The following IRAG2 variants were observed in gnomAD, a reference collection of about 807,000 sequenced individuals.
IRAG2 encodes the protein inositol 1,4,5-triphosphate receptor associated 2.
IRAG2 carries 45 observed loss-of-function variants against 69.9 expected under a neutral mutation model. The observed-to-expected ratio is 0.64, with a 90% confidence interval of 0.51 to 0.83. The LOEUF (loss-of-function observed/expected upper bound fraction) is 0.83, where lower values mean the gene tolerates loss of function less well. Among genes scored for constraint, IRAG2 ranks in the 40% least tolerant of loss-of-function variants. The pLI, the probability that IRAG2 is intolerant of heterozygous loss-of-function variation, is 0.00. For missense variants in IRAG2, 520 were observed against 587.0 expected (o/e 0.89, Z 1.18); for synonymous variants, 193 against 202.4 (o/e 0.95, Z 0.40).
intron 7 of IRAG2, chr12:25,023,751 T>C (rs919978137): frequency 2.2e-6 from 1 of 463,734 alleles, no homozygotes; most frequent in Non-Finnish European, 3.5e-6. Flanking sequence ...AGTAGGCTCA[T>C]TTGTGATAGG....
At chr12:25,053,205 T>G (rs1944966956) in intron 1 of IRAG2, among the ~76,000 whole-genome samples, 1 of 152,000 alleles carries the variant, frequency 6.6e-6, no homozygotes, top group South Asian at 2.1e-4. Context: ...TGGCTGTTTT[T>G]TTCTTTTAAA....
rs561304750 is a variant in IRAG2, at chr12:25,045,247, C to T, written c.2145-6988C>T. ...CAAAATCTTTGGGATGTAGAAAAAG[C>T]AGTACTCCTAAGAGGGCATTTTATA... On this transcript the variant is annotated intron_variant, in intron 16 of 38. Coordinates refer to the IRAG2 transcript ENST00000636465. Among the ~76,000 whole-genome samples, 6 of 152,080 alleles carry T rather than the reference C, an allele frequency of 3.9e-5. No individual in the cohort carries two copies. In the South Asian group the frequency reaches 8.3e-4, roughly 21 times the overall value.
chr12:25,069,498 A>G, intron 6 of IRAG2, 67 bp downstream of exon 6: 1 of 1,343,694 alleles, frequency 7.4e-7, no homozygotes, highest in Non-Finnish European at 1.1e-6. Context: ...TTCTATGGGT[A>G]TTCTTTTTCC....
upstream of IRAG2, among the ~76,000 whole-genome samples, chr12:25,000,738 T>G (rs146095780): frequency 6.6e-6 from 1 of 152,382 alleles, no homozygotes; most frequent in East Asian, 1.9e-4. Context: ...ACCATCTTTA[T>G]GTAGTAAATA....
intron 5 of IRAG2, among the ~76,000 whole-genome samples, chr12:25,067,538 T>A (rs1000987290): frequency 1.5e-4 from 23 of 152,212 alleles, no homozygotes; most frequent in African/African-American, 5.5e-4. Flanking sequence ...CAACTCTCTA[T>A]AAATTGGGGG....
chr12:24,999,595 C>T (rs1944376462), upstream of IRAG2, among the ~76,000 whole-genome samples: 1 of 152,184 alleles, frequency 6.6e-6, no homozygotes, highest in Non-Finnish European at 1.5e-5. Flanking sequence ...GGAAATTCCT[C>T]TAACAGATTT....
At chr12:25,001,792 CAG>C (rs1944393234), upstream of IRAG2, among the ~76,000 whole-genome samples, 1 of 137,118 alleles carries the variant, frequency 7.3e-6, no homozygotes, top group Admixed American at 7.6e-5. Flanking sequence ...TTTTTTGAGA[CAG>C]AGTCTCGCTC....
chr12:25,058,108 T>C (rs1295610982), intron 1 of IRAG2, among the ~76,000 whole-genome samples: 1 of 152,208 alleles, frequency 6.6e-6, no homozygotes, highest in Non-Finnish European at 1.5e-5. Context: ...CTAGAATAAA[T>C]ATCTAGGAGT....
intron 2 of IRAG2, among the ~76,000 whole-genome samples, chr12:25,010,985 A>G (rs1215844395): frequency 6.6e-6 from 1 of 152,234 alleles, no homozygotes; most frequent in Non-Finnish European, 1.5e-5. Context: ...AAGGCTTTTC[A>G]AGGAACTGAA....
rs750324071 is a variant in IRAG2 at position 25,090,149 on chromosome 12, A to G, written c.558A>G (p.Ala186=). ...VKLEERSRDL[A]EENLKKEITN... is the part of the protein sequence containing the mutation. ...TTGAAGAGAGGTCCCGTGACTTGGC[A>G]GAAGAAAATTTGAAGAAAGAAATCA... is the stretch of plus-strand genomic sequence containing the variant. Residue 186 remains alanine (A), a synonymous_variant, in exon 14 of 22, where the codon GCA becomes GCG. Transcript: ENST00000556887. 6.2e-7 allele frequency: 1 copy of G among 1,613,972 alleles called. No individual in the cohort carries two copies. Among genetic ancestry groups the G allele is most frequent in the African/African-American group, 1.3e-5 (1 of 75,056 alleles).
chr12:25,105,071 G>GTTTTTT (rs10583191), intron 20 of IRAG2, among the ~76,000 whole-genome samples: 3 of 87,642 alleles, frequency 3.4e-5, no homozygotes, highest in African/African-American at 4.4e-5. Context: ...CTTGGTCTCA[G>GTTTTTT]TTTTTTTTTT....
intron 16 of IRAG2, among the ~76,000 whole-genome samples, chr12:25,040,240 G>A (rs1015050680): frequency 3.3e-5 from 5 of 152,226 alleles, no homozygotes; most frequent in African/African-American, 7.2e-5. Context: ...TGGGTGCCCC[G>A]GCTCATGCCT....
chr12:25,000,994 T>A (rs904028399), upstream of IRAG2, among the ~76,000 whole-genome samples: 1 of 152,212 alleles, frequency 6.6e-6, no homozygotes. Flanking sequence ...CAGGAGATAT[T>A]TCCAAGCTGC....
intron 7 of IRAG2, among the ~76,000 whole-genome samples, chr12:25,023,091 A>ACC (rs1292996673): frequency 6.8e-6 from 1 of 147,410 alleles, no homozygotes; most frequent in East Asian, 2.0e-4. Flanking sequence ...GCACTATTGT[A>ACC]CCCCAGCCTG....
At chr12:25,012,185 C>G (rs1319267531) in intron 3 of IRAG2, among the ~76,000 whole-genome samples, 1 of 118,184 alleles carries the variant, frequency 8.5e-6, no homozygotes, top group African/African-American at 3.1e-5. Context: ...GACGGAGTTT[C>G]ACTCTGTTGC....
At chr12:24,998,528 C>T in the IRAG2 span, among the ~76,000 whole-genome samples, 1 of 152,120 alleles carries the variant, frequency 6.6e-6, no homozygotes, top group African/African-American at 2.4e-5. Context: ...GAAAACCATG[C>T]TCTGCCCTCC....
intron 2 of IRAG2, among the ~76,000 whole-genome samples, chr12:25,062,163 T>C (rs757722441): frequency 6.6e-6 from 1 of 152,164 alleles, no homozygotes; most frequent in Non-Finnish European, 1.5e-5. Context: ...TCCTTTTTGT[T>C]CAGAAATGAA....
At chr12:25,058,999 A>G (rs1342508975) in intron 1 of IRAG2, among the ~76,000 whole-genome samples, 1 of 152,218 alleles carries the variant, frequency 6.6e-6, no homozygotes, top group Non-Finnish European at 1.5e-5. Context: ...AAGGCTTTCA[A>G]TTTGAATGCT....
At position 25,107,968 on chromosome 12, in the gene IRAG2, G is replaced by A. The variant is rs755949382; in HGVS notation, c.1408G>A (p.Ala470Thr). 75 of 1,613,974 alleles carry A rather than the reference G, an allele frequency of 4.6e-5. No homozygotes were observed. The Middle Eastern group carries it at 8.2e-4, about 18-fold the overall frequency. Residue 470 changes from alanine (A) to threonine (T), a missense_variant, in exon 22 of 22, where the codon GCT becomes ACT. Ala to Thr is a moderately conservative substitution (Grantham distance 58). Transcript: ENST00000556887. Reference sequence around the variant, plus strand: ...ATTATTCCAGAAGTCTGTGGATGCCGCTCCCACACAGCAAGAGGACTCATG... The same window carrying A: ...ATTATTCCAGAAGTCTGTGGATGCCACTCCCACACAGCAAGAGGACTCATG... ...GQLFQKSVDA[A>T]PTQQEDSWTS...
Sources: gnomAD v4.1 joint callset for allele counts (sites outside exome capture counted in the v4.1 genomes callset) on GRCh38, gnomAD v4.1.1 for gene constraint, MANE v1.5 for transcripts, NCBI Gene and HGNC (gene_info 2026-07-23, HGNC 2026-07-21) for gene names.